The following ORMDL2 variants were observed in gnomAD, a reference collection of about 807,000 sequenced individuals.
The protein encoded by ORMDL2 is ORM1-like protein 2.
ORMDL2 carries 11 observed loss-of-function variants against 13.5 expected under a neutral mutation model. The ratio of observed to expected loss-of-function variants is 0.82; its 90% CI spans 0.51 to 1.35. The LOEUF (loss-of-function observed/expected upper bound fraction) is 1.35, where lower values mean the gene tolerates loss of function less well. Ranked by LOEUF, ORMDL2 falls within the 40% of genes most tolerant of loss-of-function variation. The pLI, the probability that ORMDL2 is intolerant of heterozygous loss-of-function variation, is 0.00. For missense variants in ORMDL2, 160 were observed against 191.1 expected, an observed-to-expected ratio of 0.84 and a Z score of 0.96; for synonymous variants, 73 against 76.5, an observed-to-expected ratio of 0.95 and a Z score of 0.24.
chr12:55,819,939 C>G (rs918462836), intron 3 of ORMDL2, among the ~76,000 whole-genome samples: 5 of 152,182 alleles, frequency 3.3e-5, no homozygotes, highest in Admixed American at 2.0e-4. Context: ...GGTGCTATCT[C>G]CTGAACCCCA....
Position 55,820,509 on chromosome 12 carries a change from C to A in ORMDL2, c.*114C>A. 2 of 1,243,328 alleles carry A rather than the reference C, an allele frequency of 1.6e-6. No homozygotes were observed. Among genetic ancestry groups the A allele is most frequent in the Non-Finnish European group, 2.4e-6 (2 of 848,372 alleles). 77.0% of individuals were successfully genotyped at this position (1,243,328 alleles called of 1,614,324 possible). ...CTTCTACACCTTTAAAGCCTGAGAA[C>A]TATACAACCTTTCCCAGACTCCCAA... is the stretch of plus-strand genomic sequence containing the variant. On this transcript the variant is annotated 3_prime_UTR_variant, in exon 4 of 4. Transcript: ENST00000243045.
intron 3 of ORMDL2, 50 bp from the exon 4 acceptor site, chr12:55,820,210 T>C (rs771991116): frequency 2.6e-6 from 4 of 1,523,766 alleles, no homozygotes; most frequent in Non-Finnish European, 1.8e-6. Context: ...AAAAAAAGAA[T>C]ATGGATAGAG....
chr12:55,818,412 C>T (rs949546741), intron 1 of ORMDL2: 11 of 258,114 alleles, frequency 4.3e-5, no homozygotes, highest in Non-Finnish European at 8.6e-5. Context: ...AAGGCTCCAC[C>T]TTTCGAGGTA....
In ORMDL2 at chr12:55,819,047, G is replaced by A; in HGVS notation, c.48G>A (p.Val16=). The A allele has an allele frequency of 6.2e-7, 1 of 1,614,166 alleles. No individual in the cohort carries two copies. ...GCGAAGTAAACCCCAACACCCGAGT[G>A]ATGAATAGCCGAGGCATCTGGCTGG... The part of the protein sequence containing the change: ...AHSEVNPNTR[V]MNSRGIWLAY... The change falls in exon 2 of 4, where the codon GTG becomes GTA. Residue 16 remains valine, a synonymous_variant. Coordinates refer to ENST00000243045, the MANE Select transcript of ORMDL2 (RefSeq NM_014182.5).
At chr12:55,820,033 G>C (rs1398541958) in intron 3 of ORMDL2, among the ~76,000 whole-genome samples, 6 of 152,152 alleles carry the variant, frequency 3.9e-5, no homozygotes, top group African/African-American at 1.4e-4. Context: ...AAATAGAAGA[G>C]AAAGAGCAGG....
rs1880607423 is a variant in ORMDL2, at chr12:55,819,504, G to A, written c.326+11G>A. On this transcript the variant is annotated intron_variant, in intron 3 of 3. Coordinates refer to ENST00000243045, the MANE Select transcript of ORMDL2 (RefSeq NM_014182.5). ...CTCTCCTATTGTGCTGTGAGTCTAT[G>A]GGGGAAATGAGATATGCTGGGTTAG... 1.9e-6 allele frequency: 3 copies of A among 1,612,032 alleles called. No homozygotes were observed. The highest frequency in any genetic ancestry group is 2.5e-6 in the Non-Finnish European group (3 of 1,178,846).
Position 55,821,118 on chromosome 12 carries a change from C to A in ORMDL2, c.*723C>A, listed in dbSNP as rs1880653374. ...GGCTTCTGGGAACCCCCGTATTCTTCCCCCTCACCCAAGGGCAGTGGGCAT... is the reference window on the plus strand; with the variant it reads ...GGCTTCTGGGAACCCCCGTATTCTTACCCCTCACCCAAGGGCAGTGGGCAT... On this transcript the variant is annotated 3_prime_UTR_variant, in exon 4 of 4. Coordinates refer to ENST00000243045, the MANE Select transcript of ORMDL2 (RefSeq NM_014182.5). 1 of 152,596 alleles carries A rather than the reference C, an allele frequency of 6.6e-6. No individual in the cohort carries two copies. The highest frequency in any genetic ancestry group is 2.1e-4 in the South Asian group (1 of 4,830). 9.5% of individuals were successfully genotyped at this position (152,596 alleles called of 1,614,324 possible). A position where few individuals can be genotyped will look rare whatever the true frequency, so the allele number is the denominator to read the frequency against.
At position 55,820,791 on chromosome 12, in the gene ORMDL2, T is replaced by A. The variant is rs1225771665; in HGVS notation, c.*396T>A. ...AGTTTAATCAGGATGGGTAGAGAGC[T>A]GTCCTCATAAGGCTGGGGGTGGGAA... On this transcript the variant is annotated 3_prime_UTR_variant, in exon 4 of 4. Coordinates refer to ENST00000243045, the MANE Select transcript of ORMDL2 (RefSeq NM_014182.5). 5.1e-6 allele frequency: 1 copy of A among 195,458 alleles called. No individual in the cohort carries two copies. Among genetic ancestry groups the A allele is most frequent in the Non-Finnish European group, 1.1e-5 (1 of 92,038 alleles). 12.1% of individuals were successfully genotyped at this position (195,458 alleles called of 1,614,324 possible).
chr12:55,819,095 G>C lies in ORMDL2; in HGVS notation c.96G>C (p.Leu32Phe). ...TGGCCTACATCATCTTGGTAGGATT[G>C]CTGCATATGGTTCTACTCAGCATCC... ...IWLAYIILVGLLHMVLLSIPF... is the reference protein window; with the variant it reads ...IWLAYIILVGFLHMVLLSIPF... Residue 32 changes from leucine (L) to phenylalanine (F), a missense_variant, in exon 2 of 4, where the codon TTG becomes TTC. Transcript: ENST00000243045. 1.2e-6 allele frequency: 2 copies of C among 1,614,142 alleles called. No individual in the cohort carries two copies. The highest frequency in any genetic ancestry group is 1.7e-6 in the Non-Finnish European group (2 of 1,180,018).
intron 3 of ORMDL2, 118 bp from the exon 4 acceptor site, chr12:55,820,142 T>G (rs1009021104): frequency 1.1e-6 from 1 of 915,602 alleles, no homozygotes; most frequent in African/African-American, 1.7e-5. Flanking sequence ...CGTATCACAC[T>G]TATGAATAGC....
chr12:55,819,250 G>A, intron 2 of ORMDL2, 77 bp downstream of exon 2: 1 of 1,588,874 alleles, frequency 6.3e-7, no homozygotes, highest in Non-Finnish European at 8.6e-7. Context: ...CAATTGTTTG[G>A]GGATTTATGT....
intron 3 of ORMDL2, 98 bp downstream of exon 3, chr12:55,819,591 A>T: frequency 3.8e-6 from 4 of 1,050,036 alleles, no homozygotes; most frequent in Non-Finnish European, 5.7e-6. Flanking sequence ...CAGACTTCTC[A>T]TCTAAAACCC....
In ORMDL2 at chr12:55,821,050, G is replaced by A. The variant is rs944359873; in HGVS notation, c.*655G>A. On this transcript the variant is annotated 3_prime_UTR_variant, in exon 4 of 4. Coordinates refer to ENST00000243045, the MANE Select transcript of ORMDL2 (RefSeq NM_014182.5). ...TAAATAGTCATGTACATACAAATAT[G>A]AACAAACTTAAAAAAAAAATACAAA... is the stretch of plus-strand genomic sequence containing the variant. 1 of 152,478 alleles carries A rather than the reference G, an allele frequency of 6.6e-6. No individual in the cohort carries two copies. The highest frequency in any genetic ancestry group is 1.9e-4 in the East Asian group (1 of 5,194). 9.4% of individuals were successfully genotyped at this position (152,478 alleles called of 1,614,324 possible).
intron 1 of ORMDL2, chr12:55,818,330 AT>A (rs1200035893): frequency 3.0e-6 from 1 of 330,620 alleles, no homozygotes; most frequent in Non-Finnish European, 6.0e-6. Flanking sequence ...ACCAGACATC[AT>A]CAGCTTTAGA....
rs1227258303 is a variant in ORMDL2, at chr12:55,820,674, A to G, written c.*279A>G. 4.6e-6 allele frequency: 2 copies of G among 434,182 alleles called. No homozygotes were observed. The highest frequency in any genetic ancestry group is 4.3e-6 in the Non-Finnish European group (1 of 234,914). 26.9% of individuals were successfully genotyped at this position (434,182 alleles called of 1,614,324 possible). A position where few individuals can be genotyped will look rare whatever the true frequency, so the allele number is the denominator to read the frequency against. On this transcript the variant is annotated 3_prime_UTR_variant, in exon 4 of 4. Transcript: ENST00000243045. ...AGCCATTTGGGCAGCTTCTTTGGTG[A>G]TTACATCTTTCCATATCTTTTACAC...
Position 55,821,505 on chromosome 12 carries a change from G to C in ORMDL2, c.*1110G>C, listed in dbSNP as rs987761828. 1 of 153,414 alleles carries C rather than the reference G, an allele frequency of 6.5e-6. No individual in the cohort carries two copies. The highest frequency in any genetic ancestry group is 2.4e-5 in the African/African-American group (1 of 41,424). 9.5% of individuals were successfully genotyped at this position (153,414 alleles called of 1,614,324 possible). A position where few individuals can be genotyped will look rare whatever the true frequency, so the allele number is the denominator to read the frequency against. Reference sequence around the variant, plus strand: ...GATACACTGTCCAGCCCAGGTCCAGGCCCTAGGTTCTTTACTCTAGCTACC... The same window carrying C: ...GATACACTGTCCAGCCCAGGTCCAGCCCCTAGGTTCTTTACTCTAGCTACC... On this transcript the variant is annotated 3_prime_UTR_variant, in exon 4 of 4. Transcript: ENST00000243045.
At position 55,818,079 on chromosome 12, in the gene ORMDL2, G is replaced by C; in HGVS notation, c.-35G>C. 1.9e-6 allele frequency: 1 copy of C among 516,380 alleles called. No homozygotes were observed. The highest frequency in any genetic ancestry group is 3.7e-6 in the Non-Finnish European group (1 of 267,000). The allele number at this position is 516,380 out of a possible 1,614,324, so 32.0% of individuals were successfully genotyped here. ...GACTTCAGGTGTGGTAGCCGGCGCC[G>C]CGCCCATAGCCGGACGGGGATCTGA... On this transcript the variant is annotated 5_prime_UTR_variant, in exon 1 of 4. Coordinates refer to ENST00000243045, the MANE Select transcript of ORMDL2 (RefSeq NM_014182.5).
intron 1 of ORMDL2, 102 bp from the exon 2 acceptor site, chr12:55,818,897 G>A: frequency 1.0e-6 from 1 of 974,534 alleles, no homozygotes; most frequent in Admixed American, 2.3e-5. Flanking sequence ...TCCCAATAGA[G>A]TTCAGGGGAT....
rs1031763098 is a variant in ORMDL2 at position 55,821,229 on chromosome 12, C to T, written c.*834C>T. 37 of 152,544 alleles carry T rather than the reference C, an allele frequency of 2.4e-4. No homozygotes were observed. The highest frequency in any genetic ancestry group is 7.7e-4 in the African/African-American group (32 of 41,426). 9.4% of individuals were successfully genotyped at this position (152,544 alleles called of 1,614,324 possible). A position where few individuals can be genotyped will look rare whatever the true frequency, so the allele number is the denominator to read the frequency against. ...GGTGATTTACCCACAAAGTGAAAGT[C>T]GAGGGAAAATTCAGTTTCCAGTCTC... is the stretch of plus-strand genomic sequence containing the variant. On this transcript the variant is annotated 3_prime_UTR_variant, in exon 4 of 4. Coordinates refer to ENST00000243045, the MANE Select transcript of ORMDL2 (RefSeq NM_014182.5).
Sources: gnomAD v4.1 joint callset for allele counts (sites outside exome capture counted in the v4.1 genomes callset) on GRCh38, gnomAD v4.1.1 for gene constraint, MANE v1.5 for transcripts, NCBI Gene and HGNC (gene_info 2026-07-23, HGNC 2026-07-21) for gene names.